UBA2: variants seen among roughly 807,000 people sequenced by gnomAD.
UBA2 encodes the protein SUMO-activating enzyme subunit 2.
A neutral mutation model predicts 77.2 loss-of-function variants in UBA2; 11 were observed. The observed-to-expected ratio is 0.14, with a 90% CI of 0.09 to 0.24. UBA2 has a LOEUF of 0.24. Among genes scored for constraint, UBA2 ranks in the 10% least tolerant of loss-of-function variants. UBA2 has a pLI of 1.00. For synonymous variants in UBA2, 278 were observed against 276.7 expected (o/e 1.00, Z -0.05); for missense variants, 487 against 781.7 (o/e 0.62, Z 4.50).
chr19:34,468,273 A>G lies in UBA2; in HGVS notation c.1742-767A>G, dbSNP rs116072554. On this transcript the variant is annotated intron_variant, in intron 16 of 16. Coordinates refer to ENST00000246548, the MANE Select transcript of UBA2 (RefSeq NM_005499.3). ...TGTTCTCTTGAGAATTTTGGAGACG[A>G]ACATTCAGATTATGGCCTGGGTCAT... is the stretch of plus-strand genomic sequence containing the variant. Among the ~76,000 whole-genome samples, 684 of 152,324 alleles carry G rather than the reference A, an allele frequency of 4.5e-3. 9 individuals carry two copies. The highest frequency in any genetic ancestry group is 0.016 in the African/African-American group (663 of 41,572).
chr19:34,459,047 G>T, intron 13 of UBA2, 123 bp downstream of exon 13: 1 of 1,083,386 alleles, frequency 9.2e-7, no homozygotes, highest in Non-Finnish European at 1.3e-6. Context: ...TGATTTCCTG[G>T]GTTATTTTGC....
chr19:34,445,683 C>A (rs1038331956), intron 8 of UBA2, among the ~76,000 whole-genome samples: 1 of 151,854 alleles, frequency 6.6e-6, no homozygotes, highest in African/African-American at 2.4e-5. Flanking sequence ...AGTGATCTGC[C>A]CACCTTGGCT....
intron 12 of UBA2, among the ~76,000 whole-genome samples, chr19:34,457,181 T>A (rs56854690): frequency 0.02 from 1,514 of 76,176 alleles, 15 homozygotes; most frequent in East Asian, 0.069. Context: ...AAAAAAAAAA[T>A]ATATATATAT....
rs2161472 is a variant in UBA2, at chr19:34,451,967, A to C, written c.872-14A>C. 1 of 1,355,360 alleles carries C rather than the reference A, an allele frequency of 7.4e-7. No individual in the cohort carries two copies. The highest frequency in any genetic ancestry group is 1.0e-6 in the Non-Finnish European group (1 of 1,000,632). The allele number at this position is 1,355,360 out of a possible 1,614,324, so 84.0% of individuals were successfully genotyped here. A position where few individuals can be genotyped will look rare whatever the true frequency, so the allele number is the denominator to read the frequency against. On this transcript the variant is annotated splice_polypyrimidine_tract_variant and intron_variant, in intron 9 of 16. Transcript: ENST00000246548. ...AATTAGTGAAATTTCTAATATATATATTTTTTTCTTTAGGAGAAGAAACGA... is the reference window on the plus strand; with the variant it reads ...AATTAGTGAAATTTCTAATATATATCTTTTTTTCTTTAGGAGAAGAAACGA...
At position 34,428,426 on chromosome 19, in the gene UBA2, T is replaced by A; in HGVS notation, c.-7T>A. Reference sequence around the variant, plus strand: ...CCGCCTCCGCCGCGGCTCGTGGTTGTCCCGCCATGGCACTGTCGCGGGGGC... The same window carrying A: ...CCGCCTCCGCCGCGGCTCGTGGTTGACCCGCCATGGCACTGTCGCGGGGGC... On this transcript the variant is annotated 5_prime_UTR_variant, in exon 1 of 17. Transcript: ENST00000246548. The A allele has an allele frequency of 7.9e-7, 1 of 1,258,826 alleles. No individual in the cohort carries two copies. The highest frequency in any genetic ancestry group is 1.0e-6 in the Non-Finnish European group (1 of 1,000,384). The allele number at this position is 1,258,826 out of a possible 1,614,324, so 78.0% of individuals were successfully genotyped here. A position where few individuals can be genotyped will look rare whatever the true frequency, so the allele number is the denominator to read the frequency against.
At chr19:34,442,843 C>T (rs1192716817) in intron 6 of UBA2, among the ~76,000 whole-genome samples, 5 of 152,138 alleles carry the variant, frequency 3.3e-5, no homozygotes, top group Admixed American at 2.6e-4. Context: ...GTTGGCAAAG[C>T]GTTAATTTTA....
chr19:34,437,154 G>C (rs2075317321), intron 5 of UBA2, among the ~76,000 whole-genome samples: 2 of 151,814 alleles, frequency 1.3e-5, no homozygotes, highest in Non-Finnish European at 2.9e-5. Context: ...TAGAGATGAG[G>C]TTTTGCCATG....
intron 6 of UBA2, among the ~76,000 whole-genome samples, chr19:34,441,716 T>C (rs1455025410): frequency 1.3e-5 from 2 of 150,722 alleles, no homozygotes; most frequent in Non-Finnish European, 3.0e-5. Flanking sequence ...AGGCCAGGAG[T>C]TTGAGAACTG....
intron 8 of UBA2, among the ~76,000 whole-genome samples, chr19:34,450,026 A>G (rs2075475114): frequency 6.6e-6 from 1 of 152,230 alleles, no homozygotes; most frequent in Admixed American, 6.5e-5. Context: ...TCGGCAGTTC[A>G]GGGCTCCTTT....
In UBA2 at chr19:34,454,516, G is replaced by T; in HGVS notation, c.1205G>T (p.Gly402Val). The change falls in exon 12 of 17, where the codon GGA becomes GTA. Residue 402 changes from glycine (G) to valine (V), a missense_variant. Transcript: ENST00000246548. ...AVIAGLIVLEGLKILSGKIDQ... is the reference protein window; with the variant it reads ...AVIAGLIVLEVLKILSGKIDQ... ...ATTGCTGGGTTGATAGTATTGGAAG[G>T]ATTGAAGATTTTATCAGGAAAAATA... 1 of 1,609,332 alleles carries T rather than the reference G, an allele frequency of 6.2e-7. No individual in the cohort carries two copies. The highest frequency in any genetic ancestry group is 8.5e-7 in the Non-Finnish European group (1 of 1,177,804).
At chr19:34,462,989 C>T (rs958424767) in intron 14 of UBA2, among the ~76,000 whole-genome samples, 55 of 151,728 alleles carry the variant, frequency 3.6e-4, no homozygotes, top group East Asian at 5.8e-4. Context: ...CCCAGCTATT[C>T]GGGAGGCTAA....
At chr19:34,447,882 AAG>A (rs1462128867) in intron 8 of UBA2, among the ~76,000 whole-genome samples, 1 of 152,242 alleles carries the variant, frequency 6.6e-6, no homozygotes, top group African/African-American at 2.4e-5. Context: ...TTGAAAGAAT[AAG>A]AGTCAGAATA....
chr19:34,466,867 T>C lies in UBA2; in HGVS notation c.1605-11T>C, dbSNP rs1441409291. ...ATAGTCATAGCAGTGACCTGTGTGATTCTCCTACAGTGAAGACCTAGGAAA... is the reference window on the plus strand; with the variant it reads ...ATAGTCATAGCAGTGACCTGTGTGACTCTCCTACAGTGAAGACCTAGGAAA... On this transcript the variant is annotated splice_polypyrimidine_tract_variant and intron_variant, in intron 15 of 16. Transcript: ENST00000246548. The C allele has an allele frequency of 6.2e-7, 1 of 1,611,852 alleles. No individual in the cohort carries two copies. The highest frequency in any genetic ancestry group is 1.3e-5 in the African/African-American group (1 of 74,864).
Position 34,434,968 on chromosome 19 carries a change from G to T in UBA2, c.459G>T (p.Lys153Asn). ...GYLGQVTTIK[K>N]GVTECYECHP... ...TTGGACAAGTAACTACTATCAAAAA[G>T]GTAAAGAAAAGTTTTATTTTTTTAA... The change falls in exon 5 of 17, where the codon AAG becomes AAT. Residue 153 changes from lysine to asparagine, a missense_variant and splice_region_variant. Physicochemically the swap from Lys to Asn is moderately conservative, Grantham distance 94 (BLOSUM62 0). Around this residue, in one of 9 missense-constraint regions of UBA2, gnomAD observed 66 missense variants for 112.0 expected, o/e 0.59. Transcript: ENST00000246548. The T allele has an allele frequency of 6.3e-7, 1 of 1,588,448 alleles. No individual in the cohort carries two copies. Among genetic ancestry groups the T allele is most frequent in the South Asian group, 1.2e-5 (1 of 86,436 alleles).
intron 4 of UBA2, 43 bp from the exon 5 acceptor site, chr19:34,434,825 T>C (rs1437110948): frequency 7.9e-7 from 1 of 1,261,886 alleles, no homozygotes; most frequent in Non-Finnish European, 1.1e-6. Context: ...AGATAACTAA[T>C]TTTTTTTTTC....
At chr19:34,430,384 A>G (rs1206229685) in intron 1 of UBA2, among the ~76,000 whole-genome samples, 192 bp from the exon 2 acceptor site, 1 of 152,228 alleles carries the variant, frequency 6.6e-6, no homozygotes, top group Non-Finnish European at 1.5e-5. Flanking sequence ...TATCTCTGAC[A>G]TTAAATCTAG....
intron 1 of UBA2, among the ~76,000 whole-genome samples, chr19:34,429,920 AG>A (rs2075232449): frequency 1.3e-5 from 2 of 152,078 alleles, no homozygotes; most frequent in Non-Finnish European, 2.9e-5. Context: ...GAAATACTTT[AG>A]TATTTTTTGA....
At chr19:34,463,212 T>G (rs2075651215) in intron 14 of UBA2, among the ~76,000 whole-genome samples, 1 of 152,308 alleles carries the variant, frequency 6.6e-6, no homozygotes, top group Admixed American at 6.5e-5. Flanking sequence ...CTCTGGCCTG[T>G]GTGACACGGT....
At chr19:34,458,287 G>C (rs576959700) in intron 12 of UBA2, among the ~76,000 whole-genome samples, 4 of 152,198 alleles carry the variant, frequency 2.6e-5, no homozygotes, top group African/African-American at 9.6e-5. Context: ...CGGGCGCGGT[G>C]GCTCACGCCT....
Sources: gnomAD v4.1 joint callset for allele counts (sites outside exome capture counted in the v4.1 genomes callset) on GRCh38, gnomAD v4.1.1 for gene constraint, gnomAD v4.1.1 regional missense constraint, MANE v1.5 for transcripts, NCBI Gene and HGNC (gene_info 2026-07-23, HGNC 2026-07-21) for gene names.